ASIC2: variants seen among roughly 807,000 people sequenced by gnomAD.
ASIC2 encodes acid sensing ion channel subunit 2, also known as acid-sensing ion channel 2.
A neutral mutation model predicts 57.3 loss-of-function variants in ASIC2; 25 were observed. The ratio of observed to expected loss-of-function variants is 0.44; its 90% CI spans 0.32 to 0.61. ASIC2 has a LOEUF of 0.61. Ranked by LOEUF, ASIC2 falls within the 20% of genes least tolerant of loss-of-function variation. ASIC2 has a pLI of 0.06. For missense variants in ASIC2, 641 were observed against 738.1 expected, an observed-to-expected ratio of 0.87 and a Z score of 1.52; for synonymous variants, 319 against 307.5, an observed-to-expected ratio of 1.04 and a Z score of -0.39.
intron 1 of ASIC2, among the ~76,000 whole-genome samples, chr17:33,848,525 G>A (rs1172575950): frequency 6.6e-6 from 1 of 152,148 alleles, no homozygotes; most frequent in Non-Finnish European, 1.5e-5. Context: ...AAGCTTTAGA[G>A]GCTCTCATGC....
At chr17:33,046,790 C>G (rs1321262648) in intron 3 of ASIC2, among the ~76,000 whole-genome samples, 13 of 152,232 alleles carry the variant, frequency 8.5e-5, no homozygotes, top group South Asian at 2.1e-4. Context: ...ACTGATAATT[C>G]TCCCTTGAGT....
At chr17:33,280,623 A>T (rs1904904959) in intron 1 of ASIC2, among the ~76,000 whole-genome samples, 2 of 152,238 alleles carry the variant, frequency 1.3e-5, no homozygotes. Flanking sequence ...GCAATCTGAC[A>T]GGTCATAAGC....
chr17:33,733,594 C>T (rs1482712111), intron 1 of ASIC2, among the ~76,000 whole-genome samples: 1 of 152,180 alleles, frequency 6.6e-6, no homozygotes, highest in Admixed American at 6.5e-5. Flanking sequence ...GAACATGGCT[C>T]TTCTACTGAT....
chr17:34,139,753 G>T (rs4795874), intron 1 of ASIC2, among the ~76,000 whole-genome samples: 95,014 of 151,910 alleles, frequency 0.63, 31,864 homozygotes, highest in South Asian at 0.81. Flanking sequence ...GAACTGGAGG[G>T]GGGGGGATTG....
chr17:33,365,741 C>A (rs762686669), intron 1 of ASIC2, among the ~76,000 whole-genome samples: 7 of 152,120 alleles, frequency 4.6e-5, no homozygotes, highest in Admixed American at 3.9e-4. Flanking sequence ...TTACTTTATC[C>A]CCTTTTTATT....
intron 1 of ASIC2, among the ~76,000 whole-genome samples, chr17:33,669,882 C>T (rs923140122): frequency 6.6e-6 from 1 of 152,144 alleles, no homozygotes; most frequent in Non-Finnish European, 1.5e-5. Context: ...GACAAACAAC[C>T]TACAGAGGCT....
intron 1 of ASIC2, among the ~76,000 whole-genome samples, chr17:33,579,819 G>T (rs910796140): frequency 6.6e-6 from 1 of 152,112 alleles, no homozygotes; most frequent in Non-Finnish European, 1.5e-5. Flanking sequence ...TTGGATTTCG[G>T]CGTCTGGCTC....
chr17:33,820,557 A>C (rs1017062787), intron 1 of ASIC2, among the ~76,000 whole-genome samples: 1 of 152,188 alleles, frequency 6.6e-6, no homozygotes, highest in African/African-American at 2.4e-5. Flanking sequence ...ACGTGTATAC[A>C]AGTCAGTCAA....
At chr17:33,584,689 C>A (rs1055267095) in intron 1 of ASIC2, among the ~76,000 whole-genome samples, 9 of 110,860 alleles carry the variant, frequency 8.1e-5, no homozygotes, top group African/African-American at 3.3e-4. Flanking sequence ...TAAGTCAGAT[C>A]TTGGGGTGGG....
At chr17:33,938,213 G>T (rs1245326274) in intron 1 of ASIC2, among the ~76,000 whole-genome samples, 1 of 152,160 alleles carries the variant, frequency 6.6e-6, no homozygotes, top group Admixed American at 6.5e-5. Flanking sequence ...GGACAAAAAG[G>T]GGTTACTGGG....
intron 1 of ASIC2, among the ~76,000 whole-genome samples, chr17:33,992,739 C>A (rs974053766): frequency 5.9e-5 from 9 of 152,166 alleles, no homozygotes; most frequent in African/African-American, 1.9e-4. Flanking sequence ...CTTCCCACAG[C>A]GCTGGTTGTT....
chr17:33,778,467 C>T (rs1911351012), intron 1 of ASIC2, among the ~76,000 whole-genome samples: 1 of 152,090 alleles, frequency 6.6e-6, no homozygotes, highest in Admixed American at 6.5e-5. Flanking sequence ...TTAAAAAAAC[C>T]CTCAAATCCC....
chr17:33,878,058 G>C (rs999283941), intron 1 of ASIC2, among the ~76,000 whole-genome samples: 1 of 152,210 alleles, frequency 6.6e-6, no homozygotes, highest in South Asian at 2.1e-4. Context: ...CTGACTGTTA[G>C]AAGGAAAACT....
intron 1 of ASIC2, among the ~76,000 whole-genome samples, chr17:33,359,119 T>A (rs1908500137): frequency 6.6e-6 from 1 of 152,184 alleles, no homozygotes; most frequent in Admixed American, 6.5e-5. Context: ...TACTTGAACA[T>A]CATGGCCTTG....
chr17:33,875,771 G>A (rs1444600022), intron 1 of ASIC2, among the ~76,000 whole-genome samples: 1 of 151,898 alleles, frequency 6.6e-6, no homozygotes, highest in Admixed American at 6.6e-5. Context: ...TTGACCCACA[G>A]GAAAATGCTT....
chr17:33,538,648 A>T (rs1375164360), intron 1 of ASIC2, among the ~76,000 whole-genome samples: 1 of 152,224 alleles, frequency 6.6e-6, no homozygotes, highest in Non-Finnish European at 1.5e-5. Flanking sequence ...CCAAAGGGGC[A>T]TCAGCTGCTC....
At chr17:33,344,042 C>T (rs867699844) in intron 1 of ASIC2, among the ~76,000 whole-genome samples, 4 of 152,190 alleles carry the variant, frequency 2.6e-5, no homozygotes, top group African/African-American at 4.8e-5. Context: ...CCTGCCCTGA[C>T]GTGAGTCTCA....
chr17:33,071,450 C>A (rs938558535), intron 3 of ASIC2, among the ~76,000 whole-genome samples: 1 of 152,086 alleles, frequency 6.6e-6, no homozygotes, highest in Non-Finnish European at 1.5e-5. Context: ...CAAATGTATT[C>A]CATGTCCATC....
chr17:33,130,158 AGG>A (rs972354410), intron 1 of ASIC2, among the ~76,000 whole-genome samples: 4 of 152,082 alleles, frequency 2.6e-5, no homozygotes, highest in African/African-American at 9.7e-5. Context: ...TGAGGTTAAT[AGG>A]GGTTCAGCAC....
Sources: gnomAD v4.1 joint callset for allele counts (sites outside exome capture counted in the v4.1 genomes callset) on GRCh38, gnomAD v4.1.1 for gene constraint, MANE v1.5 for transcripts, NCBI Gene and HGNC (gene_info 2026-07-23, HGNC 2026-07-21) for gene names.